ADAMTS17: variants seen among roughly 807,000 people sequenced by gnomAD.
ADAMTS17 encodes the protein ADAM metallopeptidase with thrombospondin type 1 motif 17, also known as A disintegrin and metalloproteinase with thrombospondin motifs 17.
A neutral mutation model predicts 141.5 loss-of-function variants in ADAMTS17; 113 were observed. The observed-to-expected ratio is 0.80, with a 90% CI of 0.69 to 0.93. ADAMTS17 has a LOEUF of 0.93. Among genes scored for constraint, ADAMTS17 ranks in the 40% least tolerant of loss-of-function variants. The pLI is 0.00. For synonymous variants in ADAMTS17, 768 were observed against 630.6 expected (o/e 1.22, Z -3.27); for missense variants, 1,659 against 1,517.9 (o/e 1.09, Z -1.54).
chr15:100,289,850 A>G (rs551748326), intron 3 of ADAMTS17, among the ~76,000 whole-genome samples: 2 of 152,316 alleles, frequency 1.3e-5, no homozygotes, highest in South Asian at 2.1e-4. Context: ...CAAACTACAT[A>G]TTGAAGGAGC....
Position 100,086,676 on chromosome 15 carries a change from G to A in ADAMTS17, c.2137+9680C>T, listed in dbSNP as rs952271774. Among the ~76,000 whole-genome samples the A allele has an allele frequency of 5.3e-5, 8 of 151,858 alleles. No individual in the cohort carries two copies. In the East Asian group the frequency reaches 1.4e-3, roughly 26 times the overall value. On this transcript the variant is annotated intron_variant, in intron 15 of 21. Transcript: ENST00000268070. ...ACAGTGCAATCAAACTAGAACTCAG[G>A]ATTAAGAAACTCACTCAAAACCGCT... is the stretch of plus-strand genomic sequence containing the variant.
At chr15:100,266,433 C>CA (rs2043719350) in intron 4 of ADAMTS17, among the ~76,000 whole-genome samples, 1 of 152,214 alleles carries the variant, frequency 6.6e-6, no homozygotes, top group South Asian at 2.1e-4. Flanking sequence ...GACACAGAGC[C>CA]AGGAGCCGAA....
chr15:100,221,334 C>A (rs1313716056), intron 7 of ADAMTS17, among the ~76,000 whole-genome samples: 2 of 151,416 alleles, frequency 1.3e-5, no homozygotes, highest in East Asian at 1.9e-4. Context: ...ACTCTTGAGT[C>A]CCGCATAGCA....
intron 12 of ADAMTS17, among the ~76,000 whole-genome samples, chr15:100,131,389 G>C (rs2038037044): frequency 1.4e-5 from 2 of 141,556 alleles, no homozygotes; most frequent in Non-Finnish European, 3.1e-5. Flanking sequence ...AAAAGAAATG[G>C]GAAACTTCAA....
intron 14 of ADAMTS17, among the ~76,000 whole-genome samples, chr15:100,108,332 C>T (rs990419956): frequency 2.6e-5 from 4 of 152,172 alleles, no homozygotes; most frequent in African/African-American, 4.8e-5. Flanking sequence ...CCACCATGCC[C>T]GGCTAATTTA....
chr15:100,155,175 C>G lies in ADAMTS17; in HGVS notation c.1322+5G>C. 6.2e-7 allele frequency: 1 copy of G among 1,614,198 alleles called. No homozygotes were observed. The highest frequency in any genetic ancestry group is 8.5e-7 in the Non-Finnish European group (1 of 1,180,036). ...TTCATCCTATAGAATAATTCCAGGA[C>G]TTACTTGAGGAAGTTTTCAAGGTCA... On this transcript the variant is annotated splice_donor_5th_base_variant and intron_variant, in intron 9 of 21. Transcript: ENST00000268070.
rs944907473 is a variant in ADAMTS17 at position 99,972,885 on chromosome 15, A to G, written c.*1517T>C. 6.6e-6 allele frequency: 1 copy of G among 152,250 alleles called. No homozygotes were observed. The highest frequency in any genetic ancestry group is 2.4e-5 in the African/African-American group (1 of 41,460). The allele number at this position is 152,250 out of a possible 1,614,324, so 9.4% of individuals were successfully genotyped here. A position where few individuals can be genotyped will look rare whatever the true frequency, so the allele number is the denominator to read the frequency against. The stretch of plus-strand genomic sequence containing the variant: ...TGTGACATGTAACAAAACAAAACAC[A>G]GAAACACAGCACCAATAAATCAAGA... On this transcript the variant is annotated 3_prime_UTR_variant, in exon 22 of 22. Transcript: ENST00000268070.
At chr15:100,241,583 T>A (rs1423640584) in intron 7 of ADAMTS17, among the ~76,000 whole-genome samples, 1 of 152,224 alleles carries the variant, frequency 6.6e-6, no homozygotes, top group Non-Finnish European at 1.5e-5. Flanking sequence ...CCTCAGCCAG[T>A]CGGCCAACGG....
chr15:100,083,360 T>C (rs2034878966), intron 15 of ADAMTS17, among the ~76,000 whole-genome samples: 2 of 152,244 alleles, frequency 1.3e-5, no homozygotes, highest in African/African-American at 4.8e-5. Flanking sequence ...ACTTTTACTT[T>C]AGTTTTGTTT....
chr15:100,021,603 G>A lies in ADAMTS17; in HGVS notation c.2592-24014C>T, dbSNP rs535403993. 2.1e-3 allele frequency among the ~76,000 whole-genome samples: 313 copies of A among 152,220 alleles called. 1 individual carries two copies. Among genetic ancestry groups the A allele is most frequent in the Middle Eastern group, 6.8e-3 (2 of 294 alleles). ...TTCCATATCCTGAGCCCAGCATTCC[G>A]GTCCCAGCCAGTCTGATGATTTACT... On this transcript the variant is annotated intron_variant, in intron 18 of 21. Transcript: ENST00000268070.
chr15:100,307,759 T>C (rs1281856080), intron 3 of ADAMTS17, among the ~76,000 whole-genome samples: 1 of 152,170 alleles, frequency 6.6e-6, no homozygotes, highest in Non-Finnish European at 1.5e-5. Flanking sequence ...GCTGGCGTCC[T>C]CCACAAGCTT....
At chr15:100,278,109 G>T (rs1221681500) in intron 4 of ADAMTS17, among the ~76,000 whole-genome samples, 1 of 152,106 alleles carries the variant, frequency 6.6e-6, no homozygotes, top group African/African-American at 2.4e-5. Flanking sequence ...CACACAGATA[G>T]AAAGTAGAAT....
rs966333138 is a variant in ADAMTS17 at position 100,341,888 on chromosome 15, G to A, written c.12C>T (p.Gly4=). 2.6e-6 allele frequency: 4 copies of A among 1,551,044 alleles called. No individual in the cohort carries two copies. Among genetic ancestry groups the A allele is most frequent in the Non-Finnish European group, 1.7e-6 (2 of 1,147,454 alleles). ...GCAGGACGAGCGGAGGCAGCAGGGC[G>A]CCGTCACACATGGTACCCGGGACCG... MCD[G]ALLPPLVLPV... The change falls in exon 1 of 22, where the codon GGC becomes GGT. Residue 4 remains glycine (G), a synonymous_variant. Coordinates refer to ENST00000268070, the MANE Select transcript of ADAMTS17 (RefSeq NM_139057.4).
intron 7 of ADAMTS17, among the ~76,000 whole-genome samples, chr15:100,239,252 G>C (rs1051760294): frequency 6.6e-6 from 1 of 152,202 alleles, no homozygotes; most frequent in African/African-American, 2.4e-5. Context: ...AGCAGCTCCC[G>C]CACACTGTTG....
intron 8 of ADAMTS17, among the ~76,000 whole-genome samples, chr15:100,180,099 C>G (rs1414207486): frequency 6.6e-6 from 1 of 152,150 alleles, no homozygotes; most frequent in East Asian, 1.9e-4. Context: ...GAAATCTTTG[C>G]CCAGACCACT....
chr15:100,113,650 G>A (rs527922119), intron 13 of ADAMTS17, among the ~76,000 whole-genome samples: 86 of 152,346 alleles, frequency 5.6e-4, no homozygotes, highest in African/African-American at 1.9e-3. Flanking sequence ...GTGGGTGCAC[G>A]GGGTTGTGAC....
At position 100,341,925 on chromosome 15, in the gene ADAMTS17, G is replaced by C; in HGVS notation, c.-26C>G. 6.5e-7 allele frequency: 1 copy of C among 1,548,326 alleles called. No individual in the cohort carries two copies. Among genetic ancestry groups the C allele is most frequent in the Non-Finnish European group, 8.7e-7 (1 of 1,146,166 alleles). Reference sequence around the variant, plus strand: ...GGTACCCGGGACCGGCAGCCCCCCCGGACCGTGGCGGCGAAGCAGGAGCGC... The same window carrying C: ...GGTACCCGGGACCGGCAGCCCCCCCCGACCGTGGCGGCGAAGCAGGAGCGC... On this transcript the variant is annotated 5_prime_UTR_variant, in exon 1 of 22. Coordinates refer to ENST00000268070, the MANE Select transcript of ADAMTS17 (RefSeq NM_139057.4).
At position 99,972,985 on chromosome 15, in the gene ADAMTS17, G is replaced by T. The variant is rs2060242515; in HGVS notation, c.*1417C>A. 6.6e-6 allele frequency: 1 copy of T among 152,176 alleles called. No homozygotes were observed. Among genetic ancestry groups the T allele is most frequent in the South Asian group, 2.1e-4 (1 of 4,826 alleles). The allele number at this position is 152,176 out of a possible 1,614,324, so 9.4% of individuals were successfully genotyped here. ...AATCAGGGAGGAGGTGTTATTTACGGTAAAGTCCTAGAACATAAGCACCCA... is the reference window on the plus strand; with the variant it reads ...AATCAGGGAGGAGGTGTTATTTACGTTAAAGTCCTAGAACATAAGCACCCA... On this transcript the variant is annotated 3_prime_UTR_variant, in exon 22 of 22. Transcript: ENST00000268070.
At chr15:100,013,567 G>T (rs567302223) in intron 18 of ADAMTS17, among the ~76,000 whole-genome samples, 1 of 152,054 alleles carries the variant, frequency 6.6e-6, no homozygotes, top group Non-Finnish European at 1.5e-5. Flanking sequence ...CTCGCATGCC[G>T]GTTTTGCTGA....
Sources: gnomAD v4.1 joint callset for allele counts (sites outside exome capture counted in the v4.1 genomes callset) on GRCh38, gnomAD v4.1.1 for gene constraint, MANE v1.5 for transcripts, NCBI Gene and HGNC (gene_info 2026-07-23, HGNC 2026-07-21) for gene names.